The following CCSER1 variants were observed in gnomAD, a reference collection of about 807,000 sequenced individuals.
The protein encoded by CCSER1 is serine-rich coiled-coil domain-containing protein 1.
A neutral mutation model predicts 82.0 loss-of-function variants in CCSER1; 41 were observed. The ratio of observed to expected loss-of-function variants is 0.50; its 90% CI spans 0.39 to 0.65. The LOEUF is 0.65. Among genes scored for constraint, CCSER1 ranks in the 30% least tolerant of loss-of-function variants. The pLI, the probability that CCSER1 is intolerant of heterozygous loss-of-function variation, is 0.00. For synonymous variants in CCSER1, 414 were observed against 383.9 expected (o/e 1.08, Z -0.92); for missense variants, 1,119 against 1,064.2 (o/e 1.05, Z -0.72).
In CCSER1 at chr4:90,749,336, T is replaced by C. The variant is rs559139629; in HGVS notation, c.2010+25345T>C. Among the ~76,000 whole-genome samples, 449 of 151,888 alleles carry C rather than the reference T, an allele frequency of 3.0e-3. 4 individuals carry two copies. Among genetic ancestry groups the C allele is most frequent in the African/African-American group, 0.01 (426 of 41,396 alleles). On this transcript the variant is annotated intron_variant, in intron 7 of 10. Coordinates refer to ENST00000509176, the MANE Select transcript of CCSER1 (RefSeq NM_001145065.2). Reference sequence around the variant, plus strand: ...TTGTTTTTCTCAGGTTTGTCAAAGATCAGATAGTTGTAGATATGCGGCGTT... The same window carrying C: ...TTGTTTTTCTCAGGTTTGTCAAAGACCAGATAGTTGTAGATATGCGGCGTT...
chr4:90,231,844 C>T (rs1030540761), intron 1 of CCSER1, among the ~76,000 whole-genome samples: 8 of 150,038 alleles, frequency 5.3e-5, no homozygotes, highest in Non-Finnish European at 1.0e-4. Flanking sequence ...AAACAGAGAG[C>T]CAAATCATGA....
intron 6 of CCSER1, among the ~76,000 whole-genome samples, chr4:90,712,092 A>C (rs1482181242): frequency 6.6e-6 from 1 of 151,316 alleles, no homozygotes; most frequent in Non-Finnish European, 1.5e-5. Context: ...TTTTTCAAAA[A>C]AGTAGCTCTT....
intron 1 of CCSER1, among the ~76,000 whole-genome samples, chr4:90,225,803 A>G (rs987744820): frequency 2.6e-5 from 4 of 152,166 alleles, no homozygotes; most frequent in Admixed American, 2.0e-4. Flanking sequence ...TACTGGTTTG[A>G]TAACAGCTTT....
chr4:90,614,138 G>C (rs1001824511), intron 5 of CCSER1, among the ~76,000 whole-genome samples: 1 of 152,082 alleles, frequency 6.6e-6, no homozygotes, highest in African/African-American at 2.4e-5. Flanking sequence ...TATTATATTA[G>C]TTATGGTGAT....
At chr4:90,958,310 G>C (rs1340993100) in intron 9 of CCSER1, among the ~76,000 whole-genome samples, 1 of 152,034 alleles carries the variant, frequency 6.6e-6, no homozygotes, top group African/African-American at 2.4e-5. Context: ...TTGTCTGCTG[G>C]TTTTCCTGTC....
chr4:90,857,406 CT>C (rs1466275454), intron 8 of CCSER1, among the ~76,000 whole-genome samples: 1 of 152,048 alleles, frequency 6.6e-6, no homozygotes. Context: ...AGCTTATTTC[CT>C]CTAAGGGAGC....
At chr4:91,076,616 C>T (rs1029242762) in intron 9 of CCSER1, among the ~76,000 whole-genome samples, 1 of 151,500 alleles carries the variant, frequency 6.6e-6, no homozygotes, top group Non-Finnish European at 1.5e-5. Context: ...CTTTAATTTC[C>T]TCCTTTGAAA....
chr4:90,309,571 C>T lies in CCSER1; in HGVS notation c.1287C>T (p.Asn429=), dbSNP rs369959947. The T allele has an allele frequency of 3.7e-6, 6 of 1,603,114 alleles. No homozygotes were observed. The highest frequency in any genetic ancestry group is 2.7e-5 in the African/African-American group (2 of 74,326). Reference sequence around the variant, plus strand: ...CTTCTGGTGATCATCATATTTTTAACAAAACATCACATGGATATGAAGCAA... The same window carrying T: ...CTTCTGGTGATCATCATATTTTTAATAAAACATCACATGGATATGAAGCAA... ...IPTSGDHHIF[N]KTSHGYEANP... Residue 429 remains asparagine (N), a synonymous_variant, in exon 2 of 11, where the codon AAC becomes AAT. Transcript: ENST00000509176.
At chr4:91,402,193 T>G (rs904610255) in intron 10 of CCSER1, among the ~76,000 whole-genome samples, 11 of 152,248 alleles carry the variant, frequency 7.2e-5, no homozygotes, top group Non-Finnish European at 4.4e-5. Flanking sequence ...CATAAATGTC[T>G]TCTTTTGAGA....
intron 4 of CCSER1, among the ~76,000 whole-genome samples, chr4:90,417,848 G>A (rs1485701881): frequency 6.6e-6 from 1 of 152,048 alleles, no homozygotes; most frequent in African/African-American, 2.4e-5. Flanking sequence ...TTCCTAATAC[G>A]AATGGTAATG....
At chr4:90,181,419 G>A (rs560707298) in intron 1 of CCSER1, among the ~76,000 whole-genome samples, 2 of 152,176 alleles carry the variant, frequency 1.3e-5, no homozygotes, top group East Asian at 1.9e-4. Flanking sequence ...ACATGCGAAT[G>A]GAAGTAAGCC....
chr4:91,393,550 A>G (rs1578349039), intron 10 of CCSER1, among the ~76,000 whole-genome samples: 1 of 152,084 alleles, frequency 6.6e-6, no homozygotes, highest in Non-Finnish European at 1.5e-5. Context: ...AGTAACCTGA[A>G]GACAAATGGA....
chr4:90,207,738 T>C (rs1739157615), intron 1 of CCSER1, among the ~76,000 whole-genome samples: 1 of 152,182 alleles, frequency 6.6e-6, no homozygotes, highest in African/African-American at 2.4e-5. Flanking sequence ...TAGTTTTCCT[T>C]CTAACAGTCA....
intron 10 of CCSER1, among the ~76,000 whole-genome samples, chr4:91,221,773 C>T (rs755945374): frequency 2.7e-4 from 41 of 152,012 alleles, no homozygotes; most frequent in Non-Finnish European, 5.1e-4. Context: ...AGTCCCGGCA[C>T]TCATATATAT....
chr4:90,746,187 T>C (rs1747431895), intron 7 of CCSER1, among the ~76,000 whole-genome samples: 2 of 152,224 alleles, frequency 1.3e-5, no homozygotes, highest in Admixed American at 6.5e-5. Context: ...TTTCTTCCAA[T>C]AGATGCAAAT....
At chr4:90,569,299 G>A (rs1432508638) in intron 5 of CCSER1, among the ~76,000 whole-genome samples, 1 of 152,118 alleles carries the variant, frequency 6.6e-6, no homozygotes, top group Non-Finnish European at 1.5e-5. Context: ...GTGCAAGAGA[G>A]AAGGGAACCC....
intron 10 of CCSER1, among the ~76,000 whole-genome samples, chr4:91,390,054 A>G (rs1450105493): frequency 6.6e-6 from 1 of 151,876 alleles, no homozygotes; most frequent in Admixed American, 6.6e-5. Flanking sequence ...TAACCTACGT[A>G]TGTTTTATTT....
rs140777938 is a variant in CCSER1, at chr4:90,246,979, TA to T, written c.-41-61257del. Among the ~76,000 whole-genome samples the T allele has an allele frequency of 6.8e-3, 1,032 of 151,566 alleles. 9 individuals are homozygous for T. The highest frequency in any genetic ancestry group is 0.024 in the African/African-American group (1,000 of 41,346). On this transcript the variant is annotated intron_variant, in intron 1 of 10. Transcript: ENST00000509176. ...CAGCATCACGGGGGCCATTATTAAGTAAAAAAAAGGTTCTTTGAACACAAGC... is the reference window on the plus strand; with the variant it reads ...CAGCATCACGGGGGCCATTATTAAGTAAAAAAAGGTTCTTTGAACACAAGC...
At chr4:91,558,705 C>A (rs1443451148) in intron 10 of CCSER1, among the ~76,000 whole-genome samples, 1 of 151,448 alleles carries the variant, frequency 6.6e-6, no homozygotes, top group Non-Finnish European at 1.5e-5. Flanking sequence ...AAGTTGGAAA[C>A]CCCTGAAAAA....
Sources: allele counts gnomAD v4.1 joint callset (sites outside exome capture counted in the v4.1 genomes callset), GRCh38; gene constraint gnomAD v4.1.1; transcripts MANE v1.5; gene names NCBI Gene and HGNC (gene_info 2026-07-23, HGNC 2026-07-21).